MARCHF1: variants seen among roughly 807,000 people sequenced by gnomAD.
MARCHF1 encodes E3 ubiquitin-protein ligase MARCHF1.
A neutral mutation model predicts 54.2 loss-of-function variants in MARCHF1; 40 were observed. That is an observed-to-expected ratio of 0.74 (90% CI 0.57 to 0.96). The LOEUF (loss-of-function observed/expected upper bound fraction) is 0.96, where lower values mean the gene tolerates loss of function less well. Among genes scored for constraint, MARCHF1 ranks in the 40% least tolerant of loss-of-function variants. MARCHF1 has a pLI of 0.00. For missense variants in MARCHF1, 586 were observed against 656.5 expected, an observed-to-expected ratio of 0.89 and a Z score of 1.17; for synonymous variants, 236 against 236.3, an observed-to-expected ratio of 1.00 and a Z score of 0.01.
intron 1 of MARCHF1, among the ~76,000 whole-genome samples, chr4:164,151,784 C>G (rs1167242767): frequency 6.6e-6 from 1 of 151,852 alleles, no homozygotes; most frequent in East Asian, 1.9e-4. Context: ...CAGCCCACGC[C>G]CCCCCCAAAA....
rs1273562638 is a variant in MARCHF1 at position 163,894,732 on chromosome 4, C to CAT, written c.-38-40565_-38-40564dup. Among the ~76,000 whole-genome samples, 22 of 25,436 alleles carry CAT rather than the reference C, an allele frequency of 8.6e-4. 1 individual carries two copies. The highest frequency in any genetic ancestry group is 1.5e-3 in the Non-Finnish European group (18 of 11,768). The allele number at this position is 25,436 out of a possible 152,430, so 16.7% of individuals were successfully genotyped here. ...GATGCATATATATATGCATGTGATG[C>CAT]ATATATATATGCATGTGATGCATAT... On this transcript the variant is annotated intron_variant, in intron 3 of 9. Coordinates refer to ENST00000514618, the MANE Select transcript of MARCHF1 (RefSeq NM_001394959.1).
At chr4:163,772,136 C>T (rs933325514) in intron 4 of MARCHF1, among the ~76,000 whole-genome samples, 7 of 152,106 alleles carry the variant, frequency 4.6e-5, no homozygotes, top group African/African-American at 1.4e-4. Context: ...TACAATTGTA[C>T]AGCTTTAAAT....
chr4:164,327,766 G>A (rs552592823), intron 1 of MARCHF1, among the ~76,000 whole-genome samples: 9 of 152,178 alleles, frequency 5.9e-5, no homozygotes, highest in East Asian at 3.8e-4. Flanking sequence ...TTCTAATTTC[G>A]TGTAGGAATT....
At chr4:164,026,904 T>G (rs1579471336) in intron 2 of MARCHF1, among the ~76,000 whole-genome samples, 1 of 152,100 alleles carries the variant, frequency 6.6e-6, no homozygotes, top group Non-Finnish European at 1.5e-5. Context: ...GGATACAAAA[T>G]CAGTGTACAA....
chr4:163,675,358 T>C (rs1174378799), intron 5 of MARCHF1, among the ~76,000 whole-genome samples: 1 of 152,194 alleles, frequency 6.6e-6, no homozygotes, highest in Non-Finnish European at 1.5e-5. Context: ...ACCCTTGCAG[T>C]AGGTATTTAA....
At chr4:163,720,381 G>C (rs189576889) in intron 4 of MARCHF1, among the ~76,000 whole-genome samples, 19 of 152,092 alleles carry the variant, frequency 1.2e-4, no homozygotes, top group Non-Finnish European at 2.5e-4. Context: ...TGTTCCATTG[G>C]TCTATATCTC....
At chr4:164,249,136 C>T (rs1158768327) in intron 1 of MARCHF1, among the ~76,000 whole-genome samples, 1 of 151,736 alleles carries the variant, frequency 6.6e-6, no homozygotes, top group Admixed American at 6.6e-5. Context: ...GGGTAGATAC[C>T]AACATGAAGA....
chr4:163,765,903 TATATATA>T (rs1037340858), intron 4 of MARCHF1, among the ~76,000 whole-genome samples: 3 of 147,798 alleles, frequency 2.0e-5, no homozygotes, highest in African/African-American at 7.4e-5. Context: ...TACATATAAT[TATATATA>T]ATATATAATT....
intron 4 of MARCHF1, among the ~76,000 whole-genome samples, chr4:163,807,505 T>C (rs2110997175): frequency 6.6e-6 from 1 of 152,298 alleles, no homozygotes; most frequent in South Asian, 2.1e-4. Flanking sequence ...AGAATTCATA[T>C]GGCTAAATAT....
chr4:164,152,513 GA>G (rs1324867864), intron 1 of MARCHF1, among the ~76,000 whole-genome samples: 1 of 151,902 alleles, frequency 6.6e-6, no homozygotes, highest in Non-Finnish European at 1.5e-5. Flanking sequence ...ATGAAACAAG[GA>G]AAAAAATATT....
chr4:163,573,563 T>A (rs569114415), intron 8 of MARCHF1, among the ~76,000 whole-genome samples: 11 of 149,668 alleles, frequency 7.3e-5, no homozygotes, highest in African/African-American at 2.7e-4. Flanking sequence ...ATACGCGGTG[T>A]TTGGTTTTTT....
chr4:164,334,449 A>G (rs1192714330), intron 1 of MARCHF1, among the ~76,000 whole-genome samples: 1 of 152,186 alleles, frequency 6.6e-6, no homozygotes, highest in Admixed American at 6.5e-5. Flanking sequence ...GAACCAAAAA[A>G]GCCAGAATGA....
chr4:164,312,968 A>T (rs17614531), intron 1 of MARCHF1, among the ~76,000 whole-genome samples: 16,531 of 151,840 alleles, frequency 0.11, 1,473 homozygotes, highest in East Asian at 0.3. Flanking sequence ...GTCAGTACTC[A>T]CTCTCAATGC....
chr4:163,994,765 ACAC>A (rs1753038979), intron 2 of MARCHF1, among the ~76,000 whole-genome samples: 3 of 110,446 alleles, frequency 2.7e-5, no homozygotes, highest in African/African-American at 9.6e-5. Context: ...ACACACACAC[ACAC>A]ACACACACAC....
intron 2 of MARCHF1, among the ~76,000 whole-genome samples, chr4:164,021,662 C>T (rs1234364302): frequency 2.6e-5 from 4 of 151,606 alleles, no homozygotes; most frequent in Non-Finnish European, 5.9e-5. Context: ...TTTGACCAGC[C>T]TGGCCAACAT....
chr4:164,010,250 T>G (rs1348906011), intron 2 of MARCHF1, among the ~76,000 whole-genome samples: 2 of 150,200 alleles, frequency 1.3e-5, no homozygotes, highest in Middle Eastern at 3.4e-3. Flanking sequence ...TGTTGTTGTT[T>G]TTTGGTTTTT....
intron 1 of MARCHF1, among the ~76,000 whole-genome samples, chr4:164,168,459 C>A (rs1579589920): frequency 6.6e-6 from 1 of 152,140 alleles, no homozygotes; most frequent in East Asian, 1.9e-4. Flanking sequence ...TTCATTAAAG[C>A]ATATTCACAA....
chr4:164,311,995 A>C (rs1464947943), intron 1 of MARCHF1, among the ~76,000 whole-genome samples: 2 of 152,202 alleles, frequency 1.3e-5, no homozygotes, highest in Admixed American at 1.3e-4. Context: ...AAGAAGACCC[A>C]TAATCACCAC....
chr4:163,943,509 T>C (rs1195117473), intron 3 of MARCHF1, among the ~76,000 whole-genome samples: 2 of 152,146 alleles, frequency 1.3e-5, no homozygotes, highest in African/African-American at 4.8e-5. Context: ...TGCAGCCTTA[T>C]TTCTGGGCTA....
Sources: allele counts gnomAD v4.1 joint callset (sites outside exome capture counted in the v4.1 genomes callset), GRCh38; gene constraint gnomAD v4.1.1; transcripts MANE v1.5; gene names NCBI Gene and HGNC (gene_info 2026-07-23, HGNC 2026-07-21).